EFCAB12: variants seen among roughly 807,000 people sequenced by gnomAD.
EFCAB12 encodes EF-hand calcium binding domain 12.
In EFCAB12, 43 loss-of-function variants were observed where a neutral mutation model predicts 53.6. That is an observed-to-expected ratio of 0.80 (90% confidence interval 0.63 to 1.03). The LOEUF (loss-of-function observed/expected upper bound fraction) is 1.03. Among genes scored for constraint, EFCAB12 ranks in the 50% least tolerant of loss-of-function variants. EFCAB12 has a pLI of 0.00. For missense variants in EFCAB12, 646 were observed against 730.6 expected, an observed-to-expected ratio of 0.88 and a Z score of 1.34; for synonymous variants, 269 against 289.2, an observed-to-expected ratio of 0.93 and a Z score of 0.71.
At chr3:129,410,739 G>A (rs141942124) in intron 5 of EFCAB12, among the ~76,000 whole-genome samples, 83 of 152,320 alleles carry the variant, frequency 5.4e-4, no homozygotes, top group Middle Eastern at 3.4e-3. Context: ...AAGAGTGCCT[G>A]GCACATGGTA....
At chr3:129,420,242 T>A (rs1207776405) in intron 2 of EFCAB12, among the ~76,000 whole-genome samples, 1 of 152,234 alleles carries the variant, frequency 6.6e-6, no homozygotes, top group African/African-American at 2.4e-5. Flanking sequence ...GAGTGCTCAC[T>A]ATGTGCCCAA....
At chr3:129,407,052 T>A (rs1485527275) in intron 6 of EFCAB12, among the ~76,000 whole-genome samples, 3 of 152,120 alleles carry the variant, frequency 2.0e-5, no homozygotes, top group Non-Finnish European at 2.9e-5. Flanking sequence ...AAGGAGATGA[T>A]CAAGCTAAAA....
At chr3:129,425,105 C>A (rs183169349) in intron 1 of EFCAB12, among the ~76,000 whole-genome samples, 15 of 152,136 alleles carry the variant, frequency 9.9e-5, no homozygotes, top group African/African-American at 3.4e-4. Context: ...ATAAGGTTGG[C>A]GTCATCTCAA....
At chr3:129,406,080 G>A (rs1453961429) in intron 6 of EFCAB12, among the ~76,000 whole-genome samples, 7 of 151,656 alleles carry the variant, frequency 4.6e-5, no homozygotes, top group Admixed American at 3.3e-4. Context: ...CGATATTCTG[G>A]TGGGGACAGA....
At chr3:129,408,066 T>C (rs912516812) in intron 6 of EFCAB12, among the ~76,000 whole-genome samples, 26 of 152,168 alleles carry the variant, frequency 1.7e-4, no homozygotes, top group African/African-American at 6.3e-4. Flanking sequence ...CTTGGATGTA[T>C]GAAAACGTGT....
chr3:129,414,284 G>A (rs921964160), intron 4 of EFCAB12: 1 of 152,262 alleles, frequency 6.6e-6, no homozygotes, highest in African/African-American at 2.4e-5. Context: ...CCCCAAATGA[G>A]CCACTCCAGT....
chr3:129,417,367 A>C (rs1031179459), intron 3 of EFCAB12, among the ~76,000 whole-genome samples: 1 of 151,582 alleles, frequency 6.6e-6, no homozygotes, highest in Non-Finnish European at 1.5e-5. Flanking sequence ...AAAACCAAAA[A>C]AAAAAAAAAC....
intron 5 of EFCAB12, among the ~76,000 whole-genome samples, chr3:129,409,924 G>A (rs1326445294): frequency 1.3e-5 from 2 of 152,064 alleles, no homozygotes; most frequent in African/African-American, 4.8e-5. Context: ...AGCAATATCT[G>A]CCATTTTATT....
chr3:129,404,118 G>A, intron 7 of EFCAB12, 132 bp downstream of exon 7: 2 of 1,238,832 alleles, frequency 1.6e-6, no homozygotes, highest in East Asian at 2.4e-5. Context: ...GTCAGGTTGG[G>A]GGATGTTGCC....
rs2072099449 is a variant in EFCAB12 at position 129,415,241 on chromosome 3, G to A, written c.838+4C>T. The A allele has an allele frequency of 2.5e-6, 4 of 1,598,994 alleles. No individual in the cohort carries two copies. Among genetic ancestry groups the A allele is most frequent in the Admixed American group, 1.7e-5 (1 of 58,082 alleles). On this transcript the variant is annotated splice_donor_region_variant and intron_variant, in intron 4 of 8. Transcript: ENST00000505956. ...GGAGGCACAGGATGGGGAGGGGTAC[G>A]CACGCTCCCTTGCAGTGGCCAGGCT...
At chr3:129,405,399 A>G (rs2071935812) in intron 6 of EFCAB12, among the ~76,000 whole-genome samples, 1 of 152,186 alleles carries the variant, frequency 6.6e-6, no homozygotes, top group African/African-American at 2.4e-5. Context: ...GGAGATATGT[A>G]ACATTAATAT....
chr3:129,408,073 G>A (rs1300637933), intron 6 of EFCAB12, among the ~76,000 whole-genome samples: 1 of 152,144 alleles, frequency 6.6e-6, no homozygotes, highest in Non-Finnish European at 1.5e-5. Context: ...GTATGAAAAC[G>A]TGTTTTCCAC....
intron 1 of EFCAB12, among the ~76,000 whole-genome samples, chr3:129,424,939 G>A (rs989402343): frequency 6.6e-6 from 1 of 152,200 alleles, no homozygotes; most frequent in Admixed American, 6.5e-5. Flanking sequence ...CAAGGAAGAG[G>A]TGTCTTTGAT....
rs1236887523 is a variant in EFCAB12, at chr3:129,417,341, CA to C, written c.681+912del. Among the ~76,000 whole-genome samples, 402 of 63,696 alleles carry C rather than the reference CA, an allele frequency of 6.3e-3. 9 individuals are homozygous for C. Among genetic ancestry groups the C allele is most frequent in the Non-Finnish European group, 0.012 (322 of 26,868 alleles). 41.8% of individuals were successfully genotyped at this position (63,696 alleles called of 152,430 possible). A position where few individuals can be genotyped will look rare whatever the true frequency, so the allele number is the denominator to read the frequency against. On this transcript the variant is annotated intron_variant, in intron 3 of 8. Transcript: ENST00000505956. ...TCTGCCTCAAAAAAAAAAAAAAAACCAAAAAAAAAAAACCCAAAACCAAAAA... is the reference window on the plus strand; with the variant it reads ...TCTGCCTCAAAAAAAAAAAAAAAACCAAAAAAAAAAACCCAAAACCAAAAA...
intron 7 of EFCAB12, 52 bp downstream of exon 7, chr3:129,404,198 T>C (rs2071914644): frequency 3.8e-6 from 6 of 1,577,668 alleles, no homozygotes; most frequent in African/African-American, 2.7e-5. Context: ...ACTGAAGGGA[T>C]AGCAATGGAG....
intron 3 of EFCAB12, 113 bp from the exon 4 acceptor site, chr3:129,415,514 C>T: frequency 7.4e-7 from 1 of 1,344,090 alleles, no homozygotes; most frequent in East Asian, 2.6e-5. Context: ...GTTTCATCCT[C>T]AACCACTCCC....
Position 129,404,604 on chromosome 3 carries a change from T to C in EFCAB12, c.1250-201A>G, listed in dbSNP as rs550664706. Among the ~76,000 whole-genome samples the C allele has an allele frequency of 9.7e-4, 148 of 152,082 alleles. 7 individuals are homozygous for C. In the South Asian group the frequency reaches 0.03, roughly 31 times the overall value. On this transcript the variant is annotated intron_variant, in intron 6 of 8. Coordinates refer to ENST00000505956, the MANE Select transcript of EFCAB12 (RefSeq NM_207307.3). ...GCAAAAATACTGCAGAGGGGTCCCT[T>C]GAACCACTGTCCCAGTGGTGACATG... is the stretch of plus-strand genomic sequence containing the variant.
rs1423302995 is a variant in EFCAB12 at position 129,428,607 on chromosome 3, G to A, written c.-119C>T. The A allele has an allele frequency of 3.9e-6, 5 of 1,283,566 alleles. No individual in the cohort carries two copies. Among genetic ancestry groups the A allele is most frequent in the African/African-American group, 1.5e-5 (1 of 66,952 alleles). 79.5% of individuals were successfully genotyped at this position (1,283,566 alleles called of 1,614,324 possible). ...CGTAACTCCAAGTCGTGCGAAAGGC[G>A]CTCAGCTCAGACTGCAGAAGCAACC... is the stretch of plus-strand genomic sequence containing the variant. On this transcript the variant is annotated 5_prime_UTR_variant, in exon 1 of 9. Transcript: ENST00000505956.
At position 129,428,378 on chromosome 3, in the gene EFCAB12, C is replaced by T. The variant is rs182685884; in HGVS notation, c.49+62G>A. On this transcript the variant is annotated intron_variant, in intron 1 of 8. Transcript: ENST00000505956. ...CTGTGGCTGAGTTTTTGCCCTCACC[C>T]CACTTTCACGCGTCCTTAGGGCGCT... is the stretch of plus-strand genomic sequence containing the variant. The T allele has an allele frequency of 1.9e-6, 3 of 1,559,892 alleles. No homozygotes were observed. The African/African-American group carries it at 4.1e-5, about 21-fold the overall frequency.
Sources: gnomAD v4.1 joint callset for allele counts (sites outside exome capture counted in the v4.1 genomes callset) on GRCh38, gnomAD v4.1.1 for gene constraint, MANE v1.5 for transcripts, NCBI Gene and HGNC (gene_info 2026-07-23, HGNC 2026-07-21) for gene names.